WNT7B: variants seen among roughly 807,000 people sequenced by gnomAD.
WNT7B encodes protein Wnt-7b.
A neutral mutation model predicts 38.2 loss-of-function variants in WNT7B; 19 were observed. The observed-to-expected ratio is 0.50, with a 90% confidence interval of 0.35 to 0.73. The LOEUF is 0.73. Among genes scored for constraint, WNT7B ranks in the 30% least tolerant of loss-of-function variants. The pLI is 0.01. For missense variants in WNT7B, 423 were observed against 507.9 expected (o/e 0.83, Z 1.61); for synonymous variants, 243 against 209.3 (o/e 1.16, Z -1.39).
intron 2 of WNT7B, among the ~76,000 whole-genome samples, chr22:45,938,465 C>T (rs188291645): frequency 2.6e-5 from 4 of 151,966 alleles, no homozygotes; most frequent in Non-Finnish European, 5.9e-5. Context: ...GGTGAAATCC[C>T]GTCTCTACTA....
chr22:45,971,875 G>A (rs1601744591), intron 1 of WNT7B, among the ~76,000 whole-genome samples: 1 of 152,156 alleles, frequency 6.6e-6, no homozygotes, highest in Non-Finnish European at 1.5e-5. Context: ...CGCGCTGGGC[G>A]TGCACAGCCT....
At chr22:45,927,153 C>G in intron 3 of WNT7B, 1 of 984,700 alleles carries the variant, frequency 1.0e-6, no homozygotes, top group Non-Finnish European at 1.2e-6. Context: ...GCCCTGCTGA[C>G]CTGCCTGCCC....
intron 3 of WNT7B, chr22:45,926,458 G>C (rs896388637): frequency 3.0e-6 from 3 of 985,296 alleles, no homozygotes; most frequent in Non-Finnish European, 3.6e-6. Context: ...CAGAATAAGG[G>C]TGTAGCCTGT....
chr22:45,929,917 TATCCTCCCATCC>T (rs1569111586), intron 3 of WNT7B, among the ~76,000 whole-genome samples: 58 of 58,368 alleles, frequency 9.9e-4, no homozygotes, highest in African/African-American at 4.8e-3. Context: ...CCCATCCATC[TATCCTCCCATCC>T]ACCCACTCAT....
At chr22:45,939,671 A>ACACACACACACACACAC (rs56044141) in intron 2 of WNT7B, among the ~76,000 whole-genome samples, 5 of 151,482 alleles carry the variant, frequency 3.3e-5, no homozygotes, top group African/African-American at 9.7e-5. Context: ...ACACACACAC[A>ACACACACACACACACAC]AAAATAGCCA....
intron 3 of WNT7B, 90 bp downstream of exon 3, chr22:45,931,008 C>T (rs1931331405): frequency 1.4e-6 from 2 of 1,450,812 alleles, no homozygotes. Context: ...TCAACTGCTT[C>T]TGCTAGAAGA....
At chr22:45,948,128 C>T (rs1931840382) in intron 2 of WNT7B, among the ~76,000 whole-genome samples, 1 of 152,234 alleles carries the variant, frequency 6.6e-6, no homozygotes, top group Non-Finnish European at 1.5e-5. Context: ...GATCGACGCT[C>T]AGCTCCACCA....
At position 45,966,353 on chromosome 22, in the gene WNT7B, T is replaced by C. The variant is rs1932310769; in HGVS notation, c.71+10331A>G. Among the ~76,000 whole-genome samples, 1 of 152,138 alleles carries C rather than the reference T, an allele frequency of 6.6e-6. No homozygotes were observed. Among genetic ancestry groups the C allele is most frequent in the South Asian group, 2.1e-4 (1 of 4,832 alleles). ...TGCCTCCTCACCCTGGCCACGCCAA[T>C]ACCCACTGCGCGGAGGCCAGCTGAG... On this transcript the variant is annotated intron_variant, in intron 1 of 3. Coordinates refer to ENST00000339464, the MANE Select transcript of WNT7B (RefSeq NM_058238.3). The surrounding 1 kb of genome is among the most constrained non-coding windows in gnomAD (Gnocchi z 4.2).
chr22:45,941,948 G>A (rs114339642), intron 2 of WNT7B, among the ~76,000 whole-genome samples: 2 of 151,724 alleles, frequency 1.3e-5, no homozygotes, highest in Non-Finnish European at 2.9e-5. Context: ...GTAGGGTAGG[G>A]ATGCAGGGTG....
chr22:45,935,911 GGGCC>G, intron 2 of WNT7B: 2 of 985,318 alleles, frequency 2.0e-6, no homozygotes, highest in Non-Finnish European at 2.4e-6. Flanking sequence ...GCTCTGTTTG[GGGCC>G]GGCAGCTGTC....
chr22:45,927,498 A>G, intron 3 of WNT7B: 2 of 1,548,754 alleles, frequency 1.3e-6, no homozygotes, highest in South Asian at 1.2e-5. Context: ...AAGTGACTTT[A>G]TTTGGAAGTA....
At chr22:45,954,546 C>T (rs1932016777) in intron 1 of WNT7B, 6 of 982,996 alleles carry the variant, frequency 6.1e-6, no homozygotes, top group Non-Finnish European at 7.2e-6. Context: ...CCTTCTTGCA[C>T]GCTTATCCGG....
Position 45,931,141 on chromosome 22 carries a change from G to T in WNT7B, c.527C>A (p.Ala176Glu). 6.3e-7 allele frequency: 1 copy of T among 1,594,164 alleles called. No homozygotes were observed. Among genetic ancestry groups the T allele is most frequent in the Non-Finnish European group, 8.5e-7 (1 of 1,174,658 alleles). The change falls in exon 3 of 4, where the codon GCG becomes GAG. Residue 176 changes from alanine to glutamate, a missense_variant. Transcript: ENST00000339464. ...GTTATGCAGGTTCATGAGGCGCCGC[G>T]CGTTCTTCTTGATCTCCCGAGCGTC... ...FVDAREIKKN[A>E]RRLMNLHNNE...
At chr22:45,931,860 A>T (rs1252692525) in intron 2 of WNT7B, among the ~76,000 whole-genome samples, 1 of 152,048 alleles carries the variant, frequency 6.6e-6, no homozygotes, top group African/African-American at 2.4e-5. Flanking sequence ...TGCATGGCTG[A>T]TGGAACCTGG....
chr22:45,927,383 C>T (rs1931119382), intron 3 of WNT7B: 13 of 1,509,726 alleles, frequency 8.6e-6, no homozygotes, highest in Non-Finnish European at 1.1e-5. Context: ...CCTCCAGACT[C>T]TGCCCATCTC....
chr22:45,972,458 C>A (rs1042423427), intron 1 of WNT7B: 3 of 211,674 alleles, frequency 1.4e-5, no homozygotes, highest in Admixed American at 1.2e-4. Flanking sequence ...GGCTGGAGTG[C>A]GGGGCGGGGA....
Position 45,922,880 on chromosome 22 carries a change from G to A in WNT7B, c.1026C>T (p.Arg342=). Reference sequence around the variant, plus strand: ...CTCACTTGCAGGTGAAGACCTCGGTGCGCTCGCTGCAGGTGTTGCACTTGA... The same window carrying A: ...CTCACTTGCAGGTGAAGACCTCGGTACGCTCGCTGCAGGTGTTGCACTTGA... The part of the protein sequence containing the change: ...CFVKCNTCSE[R]TEVFTCK The change falls in exon 4 of 4, where the codon CGC becomes CGT. Residue 342 remains arginine (R), a synonymous_variant. Transcript: ENST00000339464. 1.2e-6 allele frequency: 2 copies of A among 1,603,122 alleles called. No individual in the cohort carries two copies. The highest frequency in any genetic ancestry group is 1.7e-6 in the Non-Finnish European group (2 of 1,171,780).
In WNT7B at chr22:45,975,795, C is replaced by T; in HGVS notation, c.71+889G>A. On this transcript the variant is annotated intron_variant, in intron 1 of 3. Transcript: ENST00000339464. This position sits in a 1 kb window ranked among gnomAD's most constrained non-coding sequence, Gnocchi z 6.6. Reference sequence around the variant, plus strand: ...GCAGGTGCGAGGAGCGCGGGGCCAGCAGCGGGCGGTGGGCGCCCCAGGCGA... The same window carrying T: ...GCAGGTGCGAGGAGCGCGGGGCCAGTAGCGGGCGGTGGGCGCCCCAGGCGA... The T allele has an allele frequency of 3.1e-6, 1 of 326,868 alleles. No individual in the cohort carries two copies. Among genetic ancestry groups the T allele is most frequent in the Non-Finnish European group, 5.5e-6 (1 of 181,598 alleles). The allele number at this position is 326,868 out of a possible 1,614,324, so 20.2% of individuals were successfully genotyped here. A position where few individuals can be genotyped will look rare whatever the true frequency, so the allele number is the denominator to read the frequency against.
chr22:45,931,472 G>A, intron 2 of WNT7B, 103 bp from the exon 3 acceptor site: 3 of 1,349,946 alleles, frequency 2.2e-6, no homozygotes, highest in Non-Finnish European at 3.0e-6. Context: ...TTGGCTGGTT[G>A]TGTGACCCTG....
Sources: gnomAD v4.1 joint callset for allele counts (sites outside exome capture counted in the v4.1 genomes callset) on GRCh38, gnomAD v4.1.1 for gene constraint, Gnocchi (gnomAD v3.1) non-coding constraint, MANE v1.5 for transcripts, NCBI Gene and HGNC (gene_info 2026-07-23, HGNC 2026-07-21) for gene names.